The following NAV2 variants were observed in gnomAD, a reference collection of about 807,000 sequenced individuals.
The protein encoded by NAV2 is helicase, APC down-regulated 1.
Under a neutral mutation model 223.2 loss-of-function variants are expected in NAV2, and 54 were observed. The ratio of observed to expected loss-of-function variants is 0.24; its 90% CI spans 0.19 to 0.30. The LOEUF (loss-of-function observed/expected upper bound fraction) is 0.30, where lower values mean the gene tolerates loss of function less well. Ranked by LOEUF, NAV2 falls within the 10% of genes least tolerant of loss-of-function variation. The pLI is 1.00. For synonymous variants in NAV2, 1,279 were observed against 1,239.3 expected (o/e 1.03, Z -0.67); for missense variants, 2,806 against 3,147.5 (o/e 0.89, Z 2.60).
chr11:19,552,908 G>A (rs1031250770), intron 1 of NAV2, among the ~76,000 whole-genome samples: 1 of 151,468 alleles, frequency 6.6e-6, no homozygotes, highest in African/African-American at 2.4e-5. Context: ...GGGGAAGGGG[G>A]GGAGCTGGAT....
intron 11 of NAV2, among the ~76,000 whole-genome samples, chr11:20,009,423 T>C (rs1399893959): frequency 1.3e-5 from 2 of 152,230 alleles, no homozygotes; most frequent in African/African-American, 4.8e-5. Context: ...CTCTAGAACC[T>C]GTGACAAATG....
At chr11:20,016,905 C>G (rs1360800673) in intron 11 of NAV2, among the ~76,000 whole-genome samples, 3 of 151,576 alleles carry the variant, frequency 2.0e-5, no homozygotes, top group Non-Finnish European at 2.9e-5. Context: ...ACTCAGGAGG[C>G]TGAGGCATGA....
At chr11:19,422,834 G>A (rs545364602) in intron 1 of NAV2, among the ~76,000 whole-genome samples, 3 of 152,208 alleles carry the variant, frequency 2.0e-5, no homozygotes, top group African/African-American at 7.2e-5. Flanking sequence ...GCCATTCATT[G>A]ATCCATTGAT....
At chr11:19,842,536 T>C (rs1449736447) in intron 2 of NAV2, among the ~76,000 whole-genome samples, 1 of 152,216 alleles carries the variant, frequency 6.6e-6, no homozygotes, top group African/African-American at 2.4e-5. Context: ...GACGGTTGTA[T>C]TTGCCTTTCC....
intron 11 of NAV2, among the ~76,000 whole-genome samples, chr11:20,029,171 T>C (rs763793866): frequency 2.6e-5 from 4 of 152,172 alleles, no homozygotes; most frequent in South Asian, 2.1e-4. Flanking sequence ...TGAGCATAAA[T>C]GTAAAGGACG....
At chr11:19,395,623 G>A (rs1045786856) in intron 1 of NAV2, among the ~76,000 whole-genome samples, 1 of 152,178 alleles carries the variant, frequency 6.6e-6, no homozygotes, top group Non-Finnish European at 1.5e-5. Context: ...GGAAGCCCTC[G>A]GAGTGGACAG....
intron 10 of NAV2, among the ~76,000 whole-genome samples, chr11:19,954,939 A>G (rs1267073405): frequency 1.5e-3 from 75 of 49,948 alleles, no homozygotes; most frequent in African/African-American, 5.2e-3. Context: ...ATACATATAT[A>G]TATACATATA....
At chr11:19,537,345 C>T (rs758894867) in intron 1 of NAV2, among the ~76,000 whole-genome samples, 13 of 152,290 alleles carry the variant, frequency 8.5e-5, no homozygotes, top group Non-Finnish European at 1.9e-4. Context: ...AAGCCAACCT[C>T]ACAACAACCT....
intron 10 of NAV2, among the ~76,000 whole-genome samples, chr11:19,962,053 A>G (rs2048387649): frequency 6.6e-6 from 1 of 151,728 alleles, no homozygotes; most frequent in Non-Finnish European, 1.5e-5. Flanking sequence ...TTGCAGGCCA[A>G]GAGGGGATTC....
At chr11:19,498,388 C>G (rs1290887302) in intron 1 of NAV2, among the ~76,000 whole-genome samples, 1 of 152,186 alleles carries the variant, frequency 6.6e-6, no homozygotes, top group Non-Finnish European at 1.5e-5. Flanking sequence ...TTGGCCAGGT[C>G]CCCTGAGGAA....
chr11:20,056,418 C>G lies in NAV2; in HGVS notation c.4831+461C>G. The G allele has an allele frequency of 1.2e-5, 9 of 774,302 alleles. No homozygotes were observed. The South Asian group carries it at 1.4e-4, about 12-fold the overall frequency. The allele number at this position is 774,302 out of a possible 1,614,324, so 48.0% of individuals were successfully genotyped here. Reference sequence around the variant, plus strand: ...TGCTCCAGAATTTTTCATCTCCTTTCTCAAGCACTGGGTTTTTAAGTGTAT... The same window carrying G: ...TGCTCCAGAATTTTTCATCTCCTTTGTCAAGCACTGGGTTTTTAAGTGTAT... On this transcript the variant is annotated intron_variant, in intron 19 of 37. Coordinates refer to ENST00000349880, the MANE Select transcript of NAV2 (RefSeq NM_145117.5).
chr11:19,624,977 G>A lies in NAV2; in HGVS notation c.76-207507G>A, dbSNP rs116787605. On this transcript the variant is annotated intron_variant, in intron 1 of 37. Transcript: ENST00000360655. Reference sequence around the variant, plus strand: ...ATTGTACATACTCATGAAGTACATAGTGATGTTTTGATACATATAATGTAT... The same window carrying A: ...ATTGTACATACTCATGAAGTACATAATGATGTTTTGATACATATAATGTAT... Among the ~76,000 whole-genome samples, 477 of 152,288 alleles carry A rather than the reference G, an allele frequency of 3.1e-3. 3 individuals carry two copies. Among genetic ancestry groups the A allele is most frequent in the African/African-American group, 0.011 (457 of 41,562 alleles).
intron 10 of NAV2, among the ~76,000 whole-genome samples, chr11:19,982,606 G>C (rs2050401311): frequency 6.6e-6 from 1 of 152,108 alleles, no homozygotes; most frequent in Non-Finnish European, 1.5e-5. Context: ...TGTTGATATT[G>C]TGACCTTGGG....
chr11:19,877,015 T>C (rs953343073), intron 4 of NAV2, among the ~76,000 whole-genome samples: 2 of 151,266 alleles, frequency 1.3e-5, no homozygotes, highest in African/African-American at 4.8e-5. Flanking sequence ...AGCTAGCATT[T>C]ATTTTATTTA....
chr11:19,436,188 T>C (rs1851209233), intron 1 of NAV2, among the ~76,000 whole-genome samples: 2 of 152,202 alleles, frequency 1.3e-5, no homozygotes, highest in South Asian at 4.1e-4. Context: ...TCTAGTAATT[T>C]TTCAGTTCCA....
At chr11:19,412,345 G>C (rs1253576722) in intron 1 of NAV2, among the ~76,000 whole-genome samples, 1 of 152,332 alleles carries the variant, frequency 6.6e-6, no homozygotes, top group East Asian at 1.9e-4. Context: ...AGCTCAAAAA[G>C]CTGCTGTAGC....
At chr11:19,462,516 A>G (rs543421838) in intron 1 of NAV2, among the ~76,000 whole-genome samples, 3 of 152,242 alleles carry the variant, frequency 2.0e-5, no homozygotes, top group African/African-American at 7.2e-5. Flanking sequence ...GAGATAAGCT[A>G]TCTTCAATGA....
chr11:20,025,423 C>T (rs1476017126), intron 11 of NAV2, among the ~76,000 whole-genome samples: 3 of 152,162 alleles, frequency 2.0e-5, no homozygotes, highest in African/African-American at 7.2e-5. Context: ...AGCAGTGGCC[C>T]AAGGGTAAGC....
intron 1 of NAV2, chr11:19,351,114 A>T (rs1853282216): frequency 7.6e-7 from 1 of 1,307,908 alleles, no homozygotes; most frequent in Non-Finnish European, 1.1e-6. Flanking sequence ...ATCATCGAGC[A>T]TGCTTGTCTG....
Sources: gnomAD v4.1 joint callset for allele counts (sites outside exome capture counted in the v4.1 genomes callset) on GRCh38, gnomAD v4.1.1 for gene constraint, MANE v1.5 for transcripts, NCBI Gene and HGNC (gene_info 2026-07-23, HGNC 2026-07-21) for gene names.